The following RNLS variants were observed in gnomAD, a reference collection of about 807,000 sequenced individuals.
The protein encoded by RNLS is renalase.
Under a neutral mutation model 39.8 loss-of-function variants are expected in RNLS, and 39 were observed. That is an observed-to-expected ratio of 0.98 (90% CI 0.76 to 1.28). RNLS has a LOEUF of 1.28. RNLS is among the 50% of genes most tolerant of loss of function. The probability of loss-of-function intolerance (pLI) is 0.00; values close to 1 mark genes in which losing one functional copy is unlikely to be tolerated. For missense variants in RNLS, 410 were observed against 413.3 expected, an observed-to-expected ratio of 0.99 and a Z score of 0.07; for synonymous variants, 147 against 150.7, an observed-to-expected ratio of 0.98 and a Z score of 0.18.
chr10:88,574,785 G>C lies in RNLS; in HGVS notation c.368-1724C>G, dbSNP rs367701520. On this transcript the variant is annotated intron_variant, in intron 3 of 6. Coordinates refer to ENST00000331772, the MANE Select transcript of RNLS (RefSeq NM_001031709.3). ...CATCTTGCCTGAGGGCTTTTCTAAG[G>C]CCCCTGCTTGGGGAAGGTGCAAATA... Among the ~76,000 whole-genome samples the C allele has an allele frequency of 2.2e-4, 33 of 152,146 alleles. No individual in the cohort carries two copies. The East Asian group carries it at 6.0e-3, about 28-fold the overall frequency.
At chr10:88,489,015 CTG>C (rs1844737824) in intron 4 of RNLS, among the ~76,000 whole-genome samples, 1 of 152,166 alleles carries the variant, frequency 6.6e-6, no homozygotes, top group Non-Finnish European at 1.5e-5. Flanking sequence ...ATAAGACACA[CTG>C]TACAAAGTGG....
intron 4 of RNLS, among the ~76,000 whole-genome samples, chr10:88,541,802 A>G (rs966753887): frequency 1.3e-5 from 2 of 152,148 alleles, no homozygotes; most frequent in African/African-American, 4.8e-5. Flanking sequence ...GGGTCAGTGT[A>G]GGATACAAAC....
At chr10:88,204,585 T>C in the RNLS span, among the ~76,000 whole-genome samples, 35 of 152,144 alleles carry the variant, frequency 2.3e-4, no homozygotes, top group African/African-American at 8.5e-4. Flanking sequence ...TGAGCACTTA[T>C]CATGTGCCAA....
intron 4 of RNLS, among the ~76,000 whole-genome samples, chr10:88,469,595 CTTTGATATACATATTAGCACTAG>C (rs1843396124): frequency 3.3e-5 from 5 of 152,094 alleles, no homozygotes; most frequent in Admixed American, 3.3e-4. Flanking sequence ...TGCAGGACTT[CTTTGATATACATATTAGCACTAG>C]CATAAGGAGA....
intron 5 of RNLS, among the ~76,000 whole-genome samples, chr10:88,319,724 A>G (rs1024839508): frequency 3.9e-5 from 6 of 152,108 alleles, no homozygotes; most frequent in Non-Finnish European, 8.8e-5. Flanking sequence ...AAATTAATCC[A>G]GTCAGACAAA....
intron 4 of RNLS, among the ~76,000 whole-genome samples, chr10:88,453,147 G>A (rs1226137360): frequency 2.0e-5 from 3 of 152,294 alleles, no homozygotes; most frequent in East Asian, 3.9e-4. Context: ...AGAAGCAAGC[G>A]GGTATGAATG....
chr10:88,497,440 A>G (rs1448536753), intron 4 of RNLS, among the ~76,000 whole-genome samples: 1 of 152,072 alleles, frequency 6.6e-6, no homozygotes, highest in Non-Finnish European at 1.5e-5. Context: ...ATAAATATAA[A>G]TAAATAAGAT....
chr10:88,348,413 C>T (rs1848456193), intron 5 of RNLS, among the ~76,000 whole-genome samples: 1 of 152,108 alleles, frequency 6.6e-6, no homozygotes, highest in Non-Finnish European at 1.5e-5. Context: ...TAAATCTCAG[C>T]CTGACAGCCA....
chr10:88,486,672 A>G (rs920085865), intron 4 of RNLS, among the ~76,000 whole-genome samples: 9 of 152,194 alleles, frequency 5.9e-5, no homozygotes, highest in African/African-American at 2.2e-4. Context: ...ACTGTCTCAC[A>G]CCAGTCAGAA....
At chr10:88,290,042 C>T (rs964378143) in intron 6 of RNLS, among the ~76,000 whole-genome samples, 1 of 151,578 alleles carries the variant, frequency 6.6e-6, no homozygotes, top group Non-Finnish European at 1.5e-5. Flanking sequence ...TAAAAGTTCA[C>T]ACAAAAAAGT....
intron 4 of RNLS, among the ~76,000 whole-genome samples, chr10:88,426,222 C>T (rs985689674): frequency 1.5e-4 from 23 of 151,966 alleles, no homozygotes; most frequent in African/African-American, 5.3e-4. Context: ...AATTAAAACC[C>T]ATACTGAAGG....
chr10:88,435,091 T>C (rs1267278315), intron 4 of RNLS, among the ~76,000 whole-genome samples: 1 of 151,824 alleles, frequency 6.6e-6, no homozygotes, highest in African/African-American at 2.4e-5. Context: ...TGTAAACCAA[T>C]ATAAGTAGCA....
chr10:88,209,578 G>A, the RNLS span, among the ~76,000 whole-genome samples: 140 of 152,256 alleles, frequency 9.2e-4, 1 homozygote, highest in East Asian at 0.022. Flanking sequence ...AGAATTGTGA[G>A]AGACTACAAT....
chr10:88,508,348 C>T (rs1314622730), intron 4 of RNLS, among the ~76,000 whole-genome samples: 3 of 152,100 alleles, frequency 2.0e-5, no homozygotes, highest in Admixed American at 2.0e-4. Context: ...CCTTTATTTC[C>T]TCATCTGTAA....
At chr10:88,542,824 C>T (rs1848117307) in intron 4 of RNLS, among the ~76,000 whole-genome samples, 1 of 152,050 alleles carries the variant, frequency 6.6e-6, no homozygotes, top group African/African-American at 2.4e-5. Flanking sequence ...CCGAGTTTTA[C>T]AAGAAATAAG....
chr10:88,530,276 C>T (rs1391015036), intron 4 of RNLS, among the ~76,000 whole-genome samples: 2 of 152,160 alleles, frequency 1.3e-5, no homozygotes, highest in Non-Finnish European at 2.9e-5. Flanking sequence ...TGGCACATAC[C>T]AAAGTATCTG....
the RNLS span, among the ~76,000 whole-genome samples, chr10:88,187,575 C>T: frequency 2.0e-5 from 3 of 152,084 alleles, no homozygotes; most frequent in African/African-American, 4.8e-5. Flanking sequence ...CTTGAAAGTA[C>T]GTGCACCAAG....
At chr10:88,336,483 A>G (rs1236239036) in intron 5 of RNLS, among the ~76,000 whole-genome samples, 1 of 152,248 alleles carries the variant, frequency 6.6e-6, no homozygotes, top group Non-Finnish European at 1.5e-5. Context: ...AGTTAAATAT[A>G]AACAAGTGTG....
At chr10:88,581,280 A>ATGTGTG (rs374360845) in intron 3 of RNLS, among the ~76,000 whole-genome samples, 1 of 142,648 alleles carries the variant, frequency 7.0e-6, no homozygotes, top group African/African-American at 2.6e-5. Context: ...ATATATATGT[A>ATGTGTG]TGTGTGTGTG....
Sources: allele counts gnomAD v4.1 joint callset (sites outside exome capture counted in the v4.1 genomes callset), GRCh38; gene constraint gnomAD v4.1.1; transcripts MANE v1.5; gene names NCBI Gene and HGNC (gene_info 2026-07-23, HGNC 2026-07-21).